The following SH3BGRL variants were observed in gnomAD, a reference collection of about 807,000 sequenced individuals.
SH3BGRL encodes adapter SH3BGRL.
Under a neutral mutation model 9.8 loss-of-function variants are expected in SH3BGRL, and 7 were observed. That is an observed-to-expected ratio of 0.72 (90% confidence interval 0.41 to 1.35). The LOEUF (loss-of-function observed/expected upper bound fraction) is 1.35, where lower values mean the gene tolerates loss of function less well. Ranked by LOEUF, SH3BGRL falls within the 40% of genes most tolerant of loss-of-function variation. SH3BGRL has a pLI of 0.01. For synonymous variants in SH3BGRL, 36 were observed against 29.1 expected (o/e 1.24, Z -0.76); for missense variants, 73 against 84.4 (o/e 0.86, Z 0.53).
intron 1 of SH3BGRL, among the ~76,000 whole-genome samples, chrX:81,264,883 C>G (rs1374922199): frequency 9.0e-6 from 1 of 110,662 alleles, no homozygotes; most frequent in Non-Finnish European, 1.9e-5. Context: ...AATGTTCTTT[C>G]TGACTCCAGA....
chrX:81,220,853 C>G (rs1380894527), intron 1 of SH3BGRL, among the ~76,000 whole-genome samples: 2 of 110,828 alleles, frequency 1.8e-5, no homozygotes, highest in Admixed American at 9.6e-5. Flanking sequence ...TTTCAATTTT[C>G]TTAATTTCTT....
At chrX:81,202,464 T>TG in intron 1 of SH3BGRL, 1 of 995,313 alleles carries the variant, frequency 1.0e-6, no homozygotes. Flanking sequence ...TTCGTGACGT[T>TG]GGGGGGCACA....
At chrX:81,253,429 C>T (rs927171569) in intron 1 of SH3BGRL, among the ~76,000 whole-genome samples, 5 of 111,491 alleles carry the variant, frequency 4.5e-5, no homozygotes, top group South Asian at 3.8e-4. Context: ...TCATGGATCA[C>T]TGCAGCCTCA....
At position 81,283,258 on chromosome X, in the gene SH3BGRL, A is replaced by T. The variant is rs940913274; in HGVS notation, c.312+4847A>T. On this transcript the variant is annotated intron_variant, in intron 3 of 3. Transcript: ENST00000373212. ...AGACTTTCAAAGAAGAATTAATACCAATCTGTTGGACTCTATTCCACAAGA... is the reference window on the plus strand; with the variant it reads ...AGACTTTCAAAGAAGAATTAATACCTATCTGTTGGACTCTATTCCACAAGA... Among the ~76,000 whole-genome samples the T allele has an allele frequency of 4.5e-5, 5 of 111,523 alleles. No homozygotes were observed. The Admixed American group carries it at 4.7e-4, about 11-fold the overall frequency.
At position 81,205,502 on chromosome X, in the gene SH3BGRL, GTGTATATA is replaced by G. The variant is rs1371662066; in HGVS notation, c.45+3259_45+3266del. Among the ~76,000 whole-genome samples, 450 of 88,939 alleles carry G rather than the reference GTGTATATA, an allele frequency of 5.1e-3. 3 individuals carry two copies. The highest frequency in any genetic ancestry group is 0.02 in the African/African-American group (433 of 21,587). 77.2% of individuals were successfully genotyped at this position (88,939 alleles called of 115,157 possible). ...TGTATATATATGTGTGTGTGTGTGT[GTGTATATA>G]TATATATATATATATATATATCACA... is the stretch of plus-strand genomic sequence containing the variant. On this transcript the variant is annotated intron_variant, in intron 1 of 3. Coordinates refer to ENST00000373212, the MANE Select transcript of SH3BGRL (RefSeq NM_003022.3).
At chrX:81,229,191 T>A (rs980515525) in intron 1 of SH3BGRL, among the ~76,000 whole-genome samples, 1 of 109,307 alleles carries the variant, frequency 9.1e-6, no homozygotes, top group African/African-American at 3.3e-5. Flanking sequence ...GCCATGGGGG[T>A]GTGGCTCACT....
At chrX:81,233,183 T>G (rs1448555990) in intron 1 of SH3BGRL, among the ~76,000 whole-genome samples, 24 of 112,113 alleles carry the variant, frequency 2.1e-4, no homozygotes, top group Non-Finnish European at 1.5e-4. Context: ...CTGTCATGAA[T>G]TTGGTAACAC....
intron 1 of SH3BGRL, among the ~76,000 whole-genome samples, chrX:81,215,375 T>C (rs1332841634): frequency 3.6e-5 from 4 of 111,115 alleles, no homozygotes; most frequent in Non-Finnish European, 7.5e-5. Flanking sequence ...GATTTGTGCT[T>C]AGGAATTATC....
intron 1 of SH3BGRL, among the ~76,000 whole-genome samples, chrX:81,234,085 G>C (rs2075640528): frequency 9.0e-6 from 1 of 110,946 alleles, no homozygotes; most frequent in Non-Finnish European, 1.9e-5. Context: ...TACTCTCTAG[G>C]CTCTTTACAT....
At chrX:81,291,034 T>C (rs772446786) in intron 3 of SH3BGRL, among the ~76,000 whole-genome samples, 1 of 112,095 alleles carries the variant, frequency 8.9e-6, no homozygotes, top group African/African-American at 3.2e-5. Flanking sequence ...TTTTGAGTTA[T>C]GTGTAGAAAT....
chrX:81,269,698 G>T (rs767613077), intron 1 of SH3BGRL, among the ~76,000 whole-genome samples: 2 of 110,558 alleles, frequency 1.8e-5, no homozygotes, highest in South Asian at 7.9e-4. Flanking sequence ...ATGTGTCTTG[G>T]AGTTGCTCTT....
At position 81,277,111 on chromosome X, in the gene SH3BGRL, G is replaced by T; in HGVS notation, c.173G>T (p.Arg58Leu). The change falls in exon 2 of 4, where the codon CGA becomes CTA. Residue 58 changes from arginine (R) to leucine (L), a missense_variant. Arg to Leu is a moderately radical substitution (Grantham distance 102, BLOSUM62 -2). Coordinates refer to ENST00000373212, the MANE Select transcript of SH3BGRL (RefSeq NM_003022.3). The part of the protein sequence containing the change: ...WMRENVPENS[R>L]PATGYPLPPQ... ...AGAGAAAATGTACCTGAAAATAGTC[G>T]ACCAGCCACAGGTTACCCCCTGCCA... 1 of 1,208,148 alleles carries T rather than the reference G, an allele frequency of 8.3e-7. No individual in the cohort carries two copies. The highest frequency in any genetic ancestry group is 3.0e-5 in the East Asian group (1 of 33,662).
At chrX:81,248,087 G>A (rs1305414126) in intron 1 of SH3BGRL, among the ~76,000 whole-genome samples, 1 of 110,426 alleles carries the variant, frequency 9.1e-6, no homozygotes, top group Non-Finnish European at 1.9e-5. Context: ...TTTAGTTTCT[G>A]TGCATAGAAG....
chrX:81,274,994 A>G (rs2147710467), intron 1 of SH3BGRL, among the ~76,000 whole-genome samples: 1 of 111,134 alleles, frequency 9.0e-6, no homozygotes, highest in African/African-American at 3.3e-5. Flanking sequence ...ATACTTGGTC[A>G]TTACTCTCCA....
At chrX:81,232,908 A>G (rs1336982551) in intron 1 of SH3BGRL, among the ~76,000 whole-genome samples, 1 of 111,436 alleles carries the variant, frequency 9.0e-6, no homozygotes, top group Non-Finnish European at 1.9e-5. Context: ...ATGTTTTTGC[A>G]TTAGTTTTTA....
chrX:81,269,167 T>C (rs1319512731), intron 1 of SH3BGRL, among the ~76,000 whole-genome samples: 1 of 111,915 alleles, frequency 8.9e-6, no homozygotes, highest in African/African-American at 3.3e-5. Flanking sequence ...TGATTCTTTA[T>C]CCAATTTGCC....
At chrX:81,238,140 A>G (rs2075654267) in intron 1 of SH3BGRL, among the ~76,000 whole-genome samples, 1 of 109,912 alleles carries the variant, frequency 9.1e-6, no homozygotes, top group Non-Finnish European at 1.9e-5. Flanking sequence ...TTGTAAGCTT[A>G]AGGTACCCGC....
At chrX:81,290,290 C>T (rs1416205310) in intron 3 of SH3BGRL, among the ~76,000 whole-genome samples, 1 of 111,808 alleles carries the variant, frequency 8.9e-6, no homozygotes, top group Admixed American at 9.5e-5. Flanking sequence ...TGTTTGTTGC[C>T]ACACTGTACA....
chrX:81,225,909 C>T (rs973648403), intron 1 of SH3BGRL, among the ~76,000 whole-genome samples: 1 of 111,615 alleles, frequency 9.0e-6, no homozygotes, highest in Non-Finnish European at 1.9e-5. Context: ...CCTCACATAG[C>T]TTTCATTTCT....
Sources: gnomAD v4.1 joint callset for allele counts (sites outside exome capture counted in the v4.1 genomes callset) on GRCh38, gnomAD v4.1.1 for gene constraint, MANE v1.5 for transcripts, NCBI Gene and HGNC (gene_info 2026-07-23, HGNC 2026-07-21) for gene names.